The following NUP205 variants were observed in gnomAD, a reference collection of about 807,000 sequenced individuals.
NUP205 encodes nucleoporin 205, also known as nuclear pore complex protein Nup205.
Under a neutral mutation model 253.8 loss-of-function variants are expected in NUP205, and 76 were observed. The ratio of observed to expected loss-of-function variants is 0.30; its 90% CI spans 0.25 to 0.36. NUP205 has a LOEUF of 0.36. Among genes scored for constraint, NUP205 ranks in the 10% least tolerant of loss-of-function variants. NUP205 has a pLI of 1.00. For synonymous variants in NUP205, 832 were observed against 850.1 expected (o/e 0.98, Z 0.37); for missense variants, 2,162 against 2,425.5 (o/e 0.89, Z 2.28).
rs1284302831 is a variant in NUP205 at position 135,573,658 on chromosome 7, A to G, written c.176A>G (p.Lys59Arg). 2 of 1,604,530 alleles carry G rather than the reference A, an allele frequency of 1.2e-6. No individual in the cohort carries two copies. Among genetic ancestry groups the G allele is most frequent in the African/African-American group, 2.7e-5 (2 of 74,326 alleles). ...ATTACAATTTTATCATTGTAGCCAA[A>G]AAATGTTCAACAGCATGAGAAGGTT... ...DFISLFKNPP[K>R]NVQQHEKVQK... Residue 59 changes from lysine to arginine, a missense_variant, in exon 3 of 43, where the codon AAA becomes AGA. Physicochemically the swap from Lys to Arg is conservative, Grantham distance 26. This residue lies in a region of NUP205 where 109 missense variants were observed against 131.8 expected (regional missense o/e 0.83). Transcript: ENST00000285968.
intron 30 of NUP205, 80 bp downstream of exon 30, chr7:135,619,968 C>CT: frequency 1.1e-6 from 1 of 904,294 alleles, no homozygotes. Context: ...ACTTCTCCAT[C>CT]TTTTGACTAA....
At chr7:135,599,609 T>A (rs1584663637) in intron 15 of NUP205, among the ~76,000 whole-genome samples, 1 of 152,194 alleles carries the variant, frequency 6.6e-6, no homozygotes, top group East Asian at 1.9e-4. Flanking sequence ...TGCTTTTTCT[T>A]AAAAAGGTCA....
At chr7:135,591,338 G>T in intron 10 of NUP205, 112 bp from the exon 11 acceptor site, 1 of 817,936 alleles carries the variant, frequency 1.2e-6, no homozygotes, top group Admixed American at 3.1e-5. Flanking sequence ...TCTGTTGCGA[G>T]GGTTAAGTCA....
At chr7:135,639,836 A>G (rs1453878274) in intron 38 of NUP205, among the ~76,000 whole-genome samples, 1 of 152,262 alleles carries the variant, frequency 6.6e-6, no homozygotes, top group African/African-American at 2.4e-5. Context: ...AGACTGGATA[A>G]ATAAATGGTG....
intron 1 of NUP205, among the ~76,000 whole-genome samples, chr7:135,566,125 T>C (rs1805750681): frequency 6.6e-6 from 1 of 152,210 alleles, no homozygotes; most frequent in Admixed American, 6.5e-5. Flanking sequence ...TATTTGTTTT[T>C]TGAGACAGAG....
At chr7:135,587,282 C>G (rs1806492320) in intron 8 of NUP205, among the ~76,000 whole-genome samples, 1 of 151,998 alleles carries the variant, frequency 6.6e-6, no homozygotes, top group Non-Finnish European at 1.5e-5. Flanking sequence ...TAATCCAACC[C>G]AGTGAAGAAA....
chr7:135,634,103 T>C (rs572492997), intron 35 of NUP205, among the ~76,000 whole-genome samples: 1 of 152,328 alleles, frequency 6.6e-6, no homozygotes, highest in East Asian at 1.9e-4. Context: ...TATTTTTTAA[T>C]TTCATTTTTT....
chr7:135,631,000 A>G (rs1414660435), intron 35 of NUP205, among the ~76,000 whole-genome samples: 1 of 152,004 alleles, frequency 6.6e-6, no homozygotes, highest in Non-Finnish European at 1.5e-5. Context: ...CTAACACTCA[A>G]AATCTCACCA....
intron 23 of NUP205, among the ~76,000 whole-genome samples, chr7:135,614,536 A>C (rs538287558): frequency 1.3e-5 from 2 of 152,216 alleles, no homozygotes; most frequent in Non-Finnish European, 2.9e-5. Context: ...AAGGGATTAG[A>C]AAATTAATGG....
intron 4 of NUP205, 141 bp downstream of exon 4, chr7:135,576,555 C>T (rs1473467792): frequency 1.4e-6 from 1 of 714,416 alleles, no homozygotes; most frequent in African/African-American, 1.8e-5. Flanking sequence ...ACAGATATAA[C>T]AATTTAAACC....
At position 135,617,062 on chromosome 7, in the gene NUP205, A is replaced by G. The variant is rs756898401; in HGVS notation, c.3533-28A>G. 3.9e-6 allele frequency: 6 copies of G among 1,554,474 alleles called. No individual in the cohort carries two copies. In the South Asian group the frequency reaches 7.0e-5, roughly 18 times the overall value. On this transcript the variant is annotated intron_variant, in intron 25 of 42. Transcript: ENST00000285968. Reference sequence around the variant, plus strand: ...GCCTTTCTTTTCAATGTCCCAAGTAAAATCAAATTACTTTTTATTATTTCT... The same window carrying G: ...GCCTTTCTTTTCAATGTCCCAAGTAGAATCAAATTACTTTTTATTATTTCT...
rs370331191 is a variant in NUP205 at position 135,638,820 on chromosome 7, A to G, written c.5392+137A>G. 3.3e-6 allele frequency: 3 copies of G among 897,590 alleles called. No individual in the cohort carries two copies. In the African/African-American group the frequency reaches 5.0e-5, roughly 15 times the overall value. The allele number at this position is 897,590 out of a possible 1,614,324, so 55.6% of individuals were successfully genotyped here. A position where few individuals can be genotyped will look rare whatever the true frequency, so the allele number is the denominator to read the frequency against. ...GGGAAACATTTTAAATAAGTTTTAA[A>G]GTTGAGCGGGAGGTATTATTATTAG... is the stretch of plus-strand genomic sequence containing the variant. On this transcript the variant is annotated intron_variant, in intron 38 of 42. Coordinates refer to ENST00000285968, the MANE Select transcript of NUP205 (RefSeq NM_015135.3).
chr7:135,570,450 G>A (rs193227795), intron 1 of NUP205, among the ~76,000 whole-genome samples: 3,788 of 151,484 alleles, frequency 0.025, 77 homozygotes, highest in South Asian at 0.078. Flanking sequence ...CCTGACCTCA[G>A]GTAATCTGTC....
At chr7:135,606,518 T>C (rs1363068900) in intron 20 of NUP205, among the ~76,000 whole-genome samples, 1 of 152,184 alleles carries the variant, frequency 6.6e-6, no homozygotes, top group Admixed American at 6.5e-5. Flanking sequence ...TTCAAAAAAA[T>C]CTGAAATCTG....
chr7:135,570,694 A>ATAT, intron 1 of NUP205, among the ~76,000 whole-genome samples: 7 of 78,720 alleles, frequency 8.9e-5, no homozygotes, highest in Admixed American at 2.6e-4. Context: ...TTATATTAAT[A>ATAT]TAATTAATTA....
At chr7:135,637,247 C>T (rs373509010) in intron 36 of NUP205, among the ~76,000 whole-genome samples, 2 of 152,248 alleles carry the variant, frequency 1.3e-5, no homozygotes, top group East Asian at 1.9e-4. Flanking sequence ...AACATGCAGG[C>T]GTGAGAAATT....
rs1057180565 is a variant in NUP205 at position 135,584,960 on chromosome 7, A to G, written c.1171A>G (p.Arg391Gly). Residue 391 changes from arginine (R) to glycine (G), a missense_variant, in exon 8 of 43, where the codon AGA (arginine) becomes GGA (glycine). Around this residue, in one of 5 missense-constraint regions of NUP205, gnomAD observed 892 missense variants for 957.1 expected, o/e 0.93. Coordinates refer to ENST00000285968, the MANE Select transcript of NUP205 (RefSeq NM_015135.3). ...YFYQEEFYIR[R>G]VHNLITDFLA... is the part of the protein sequence containing the mutation. ...TTATCAGGAAGAATTTTATATTCGC[A>G]GAGTCCATAATCTCATCACAGATTT... 2 of 1,613,774 alleles carry G rather than the reference A, an allele frequency of 1.2e-6. No homozygotes were observed. The highest frequency in any genetic ancestry group is 1.3e-5 in the African/African-American group (1 of 74,940).
At chr7:135,610,563 G>A (rs919427893) in intron 22 of NUP205, among the ~76,000 whole-genome samples, 1 of 151,922 alleles carries the variant, frequency 6.6e-6, no homozygotes, top group Non-Finnish European at 1.5e-5. Context: ...ATGGCCCAGG[G>A]ACCAGTATCA....
At position 135,618,536 on chromosome 7, in the gene NUP205, A is replaced by G; in HGVS notation, c.3896A>G (p.Gln1299Arg). Residue 1299 changes from glutamine (Q) to arginine (R), a missense_variant, in exon 28 of 43, where the codon CAG becomes CGG. Gln to Arg is a conservative substitution (Grantham distance 43, BLOSUM62 1). Transcript: ENST00000285968. ...GAAATTATACTGACAGCTTGTCCCC[A>G]GGACCTCATTCAGGCAGAGGATCGA... Reference protein sequence around the residue: ...LVEIILTACPQDLIQAEDRQL... With the variant: ...LVEIILTACPRDLIQAEDRQL... 1 of 1,613,924 alleles carries G rather than the reference A, an allele frequency of 6.2e-7. No homozygotes were observed. The highest frequency in any genetic ancestry group is 8.5e-7 in the Non-Finnish European group (1 of 1,179,924).
Sources: gnomAD v4.1 joint callset for allele counts (sites outside exome capture counted in the v4.1 genomes callset) on GRCh38, gnomAD v4.1.1 for gene constraint, gnomAD v4.1.1 regional missense constraint, MANE v1.5 for transcripts, NCBI Gene and HGNC (gene_info 2026-07-23, HGNC 2026-07-21) for gene names.